PDGFRA: variants seen among roughly 807,000 people sequenced by gnomAD.
PDGFRA encodes the protein platelet-derived growth factor receptor alpha.
Under a neutral mutation model 121.5 loss-of-function variants are expected in PDGFRA, and 25 were observed. The observed-to-expected ratio is 0.21, with a 90% CI of 0.15 to 0.29. The LOEUF (loss-of-function observed/expected upper bound fraction) is 0.29. Among genes scored for constraint, PDGFRA ranks in the 10% least tolerant of loss-of-function variants. PDGFRA has a pLI of 1.00. For synonymous variants in PDGFRA, 463 were observed against 494.8 expected (o/e 0.94, Z 0.85); for missense variants, 1,008 against 1,345.1 (o/e 0.75, Z 3.92).
chr4:54,261,133 A>G lies in PDGFRA; in HGVS notation c.88A>G (p.Ile30Val), dbSNP rs780747709. The G allele has an allele frequency of 6.2e-6, 10 of 1,614,112 alleles. No individual in the cohort carries two copies. The highest frequency in any genetic ancestry group is 1.7e-5 in the Admixed American group (1 of 60,016). The change falls in exon 3 of 23, where the codon ATC becomes GTC. Residue 30 changes from isoleucine (I) to valine (V), a missense_variant. Transcript: ENST00000257290. ...LILCQLSLPSILPNENEKVVQ... is the reference protein window; with the variant it reads ...LILCQLSLPSVLPNENEKVVQ... ...CCTCTGCCAGCTTTCATTACCCTCTATCCTTCCAAATGAAAATGAAAAGGT... is the reference window on the plus strand; with the variant it reads ...CCTCTGCCAGCTTTCATTACCCTCTGTCCTTCCAAATGAAAATGAAAAGGT...
chr4:54,287,976 G>A (rs1724439805), intron 19 of PDGFRA, among the ~76,000 whole-genome samples: 2 of 152,124 alleles, frequency 1.3e-5, no homozygotes, highest in East Asian at 3.9e-4. Context: ...ATTCCTGGTT[G>A]TCATTGGCCA....
rs886059449 is a variant in PDGFRA, at chr4:54,295,344, C to A, written c.*72C>A. 4.3e-5 allele frequency: 64 copies of A among 1,486,492 alleles called. No individual in the cohort carries two copies. The highest frequency in any genetic ancestry group is 5.5e-5 in the Non-Finnish European group (59 of 1,065,834). 92.1% of individuals were successfully genotyped at this position (1,486,492 alleles called of 1,614,324 possible). On this transcript the variant is annotated 3_prime_UTR_variant, in exon 23 of 23. Transcript: ENST00000257290. ...TCCCGTTCAGAAAACCACTTTATTGCAATGCAGAGGTTGAGAGGAGGACTT... is the reference window on the plus strand; with the variant it reads ...TCCCGTTCAGAAAACCACTTTATTGAAATGCAGAGGTTGAGAGGAGGACTT...
chr4:54,283,060 C>T (rs551185429), intron 16 of PDGFRA, among the ~76,000 whole-genome samples: 22 of 152,148 alleles, frequency 1.4e-4, no homozygotes, highest in Non-Finnish European at 2.9e-4. Context: ...GGGCTGTTGT[C>T]GAGTGCCTGT....
intron 14 of PDGFRA, 112 bp from the exon 15 acceptor site, chr4:54,278,250 A>G (rs1723857248): frequency 3.4e-6 from 2 of 583,314 alleles, no homozygotes; most frequent in Non-Finnish European, 5.7e-6. Flanking sequence ...AAAAAAAAAA[A>G]AAACTTTTTT....
chr4:54,292,509 A>G (rs59095961), intron 22 of PDGFRA, among the ~76,000 whole-genome samples: 5,829 of 152,044 alleles, frequency 0.038, 353 homozygotes, highest in African/African-American at 0.13. Flanking sequence ...CACACACTGG[A>G]GCCTTTCAGG....
intron 21 of PDGFRA, among the ~76,000 whole-genome samples, chr4:54,289,493 T>C (rs1423764409): frequency 6.6e-6 from 1 of 152,170 alleles, no homozygotes; most frequent in Non-Finnish European, 1.5e-5. Flanking sequence ...ACCTCAGCTG[T>C]TATCTGTGGC....
At chr4:54,284,155 A>G (rs1724198459) in intron 16 of PDGFRA, among the ~76,000 whole-genome samples, 1 of 152,038 alleles carries the variant, frequency 6.6e-6, no homozygotes, top group Non-Finnish European at 1.5e-5. Context: ...TAAGTTCTTC[A>G]TTTTCATCCG....
At chr4:54,293,429 C>CTTTTTTT (rs35064429) in intron 22 of PDGFRA, among the ~76,000 whole-genome samples, 13 of 116,116 alleles carry the variant, frequency 1.1e-4, no homozygotes, top group Non-Finnish European at 1.7e-4. Context: ...CCTAGAATTT[C>CTTTTTTT]TTTTTTTTTT....
At chr4:54,286,386 C>G (rs1724364707) in intron 18 of PDGFRA, among the ~76,000 whole-genome samples, 1 of 151,260 alleles carries the variant, frequency 6.6e-6, no homozygotes, top group Admixed American at 6.6e-5. Flanking sequence ...GACAGAGTCT[C>G]ACTCTGTCAC....
intron 22 of PDGFRA, among the ~76,000 whole-genome samples, chr4:54,293,434 T>TC (rs1724728722): frequency 6.9e-6 from 1 of 144,584 alleles, no homozygotes; most frequent in Non-Finnish European, 1.5e-5. Flanking sequence ...AATTTCTTTT[T>TC]TTTTTTTTTT....
chr4:54,279,092 C>A, intron 15 of PDGFRA: 1 of 299,420 alleles, frequency 3.3e-6, no homozygotes, highest in Non-Finnish European at 6.8e-6. Context: ...AGCCACATGG[C>A]CACACGGCTC....
intron 1 of PDGFRA, chr4:54,243,487 T>C (rs969251370): frequency 1.3e-5 from 2 of 152,246 alleles, no homozygotes; most frequent in African/African-American, 4.8e-5. Context: ...AGGAGAAAGC[T>C]GAAGCATGAG....
chr4:54,252,657 C>T (rs1722118553), intron 1 of PDGFRA, among the ~76,000 whole-genome samples: 1 of 152,158 alleles, frequency 6.6e-6, no homozygotes, highest in South Asian at 2.1e-4. Context: ...TTAACTGAGC[C>T]TCGGAAATCT....
chr4:54,246,365 GTC>G (rs1721662884), intron 1 of PDGFRA, among the ~76,000 whole-genome samples: 1 of 152,132 alleles, frequency 6.6e-6, no homozygotes, highest in South Asian at 2.1e-4. Context: ...ATAACAAACT[GTC>G]TCTCAGACCA....
At chr4:54,288,713 T>C (rs1157079844) in intron 19 of PDGFRA, 86 bp from the exon 20 acceptor site, 1 of 836,364 alleles carries the variant, frequency 1.2e-6, no homozygotes, top group Non-Finnish European at 2.1e-6. Flanking sequence ...ATCTGAAAGG[T>C]TTTCTAACAG....
chr4:54,261,196 G>T lies in PDGFRA; in HGVS notation c.151G>T (p.Gly51Trp). Residue 51 changes from glycine (G) to tryptophan (W), a missense_variant, in exon 3 of 23, where the codon GGG (glycine) becomes TGG (tryptophan). Physicochemically the swap from Gly to Trp is radical, Grantham distance 184 (BLOSUM62 -2). Coordinates refer to ENST00000257290, the MANE Select transcript of PDGFRA (RefSeq NM_006206.6). ...TTCATCCTTTTCTCTGAGATGCTTT[G>T]GGGAGAGTGAAGTGAGCTGGCAGTA... ...LNSSFSLRCF[G>W]ESEVSWQYPM... 6.2e-7 allele frequency: 1 copy of T among 1,614,116 alleles called. No individual in the cohort carries two copies.
chr4:54,232,269 A>G (rs551103895), intron 1 of PDGFRA, among the ~76,000 whole-genome samples: 8 of 152,142 alleles, frequency 5.3e-5, no homozygotes. Flanking sequence ...CTGGGGCGCA[A>G]GATGCAGGAT....
Position 54,273,537 on chromosome 4 carries a change from A to G in PDGFRA, c.1365A>G (p.Lys455=), listed in dbSNP as rs772550148. 2.5e-6 allele frequency: 4 copies of G among 1,613,606 alleles called. No individual in the cohort carries two copies. Among genetic ancestry groups the G allele is most frequent in the South Asian group, 2.2e-5 (2 of 91,070 alleles). The change falls in exon 10 of 23, where the codon AAA becomes AAG. Residue 455 remains lysine, a splice_region_variant and synonymous_variant. Transcript: ENST00000257290. ...ATACTTAGGCCCTTTTTCTCTCTAG[A>G]TGTAATAATGAAACTTCCTGGACTA... ...IEWMICKDIK[K]CNNETSWTIL... is the part of the protein sequence containing the mutation.
At chr4:54,247,124 G>A (rs1224695489) in intron 1 of PDGFRA, among the ~76,000 whole-genome samples, 7 of 152,190 alleles carry the variant, frequency 4.6e-5, no homozygotes, top group African/African-American at 1.4e-4. Flanking sequence ...ATTCACAGCC[G>A]AATTCTACCA....
Sources: allele counts gnomAD v4.1 joint callset (sites outside exome capture counted in the v4.1 genomes callset), GRCh38; gene constraint gnomAD v4.1.1; transcripts MANE v1.5; gene names NCBI Gene and HGNC (gene_info 2026-07-23, HGNC 2026-07-21).